Variants in USP12 observed in about 807,000 individuals in gnomAD.
USP12 encodes the protein ubiquitin specific peptidase 12, also known as ubiquitin carboxyl-terminal hydrolase 12.
A neutral mutation model predicts 45.5 loss-of-function variants in USP12; 19 were observed. The observed-to-expected ratio is 0.42, with a 90% CI of 0.29 to 0.61. USP12 has a LOEUF of 0.61. USP12 is among the 20% of genes least tolerant of loss of function. The pLI is 0.22. For missense variants in USP12, 242 were observed against 447.7 expected, an observed-to-expected ratio of 0.54 and a Z score of 4.15; for synonymous variants, 149 against 148.8, an observed-to-expected ratio of 1.00 and a Z score of -0.01.
intron 2 of USP12, among the ~76,000 whole-genome samples, chr13:27,112,124 C>T (rs1471366757): frequency 3.9e-5 from 6 of 152,130 alleles, no homozygotes; most frequent in African/African-American, 1.2e-4. Flanking sequence ...AGTCTGGTTC[C>T]ACTATCTGAC....
intron 1 of USP12, among the ~76,000 whole-genome samples, chr13:27,151,183 T>C (rs2137831412): frequency 6.6e-6 from 1 of 151,638 alleles, no homozygotes; most frequent in Middle Eastern, 3.5e-3. Context: ...ACAAAAAAAT[T>C]AGCTGGGCAT....
intron 8 of USP12, 81 bp downstream of exon 8, chr13:27,070,990 T>C: frequency 8.4e-7 from 1 of 1,185,918 alleles, no homozygotes; most frequent in Non-Finnish European, 1.2e-6. Flanking sequence ...CAGTCATATA[T>C]AAATGAAAAA....
rs1873021727 is a variant in USP12 at position 27,066,895 on chromosome 13, C to T, written c.*2388G>A. ...ACCTGTATTTTTCCCCCAACCCTGA[C>T]CCTATACGTTTTAAAAGTACATTTA... is the stretch of plus-strand genomic sequence containing the variant. On this transcript the variant is annotated 3_prime_UTR_variant, in exon 9 of 9. Coordinates refer to ENST00000282344, the MANE Select transcript of USP12 (RefSeq NM_182488.4). 6.6e-6 allele frequency: 1 copy of T among 152,150 alleles called. No homozygotes were observed. The highest frequency in any genetic ancestry group is 2.4e-5 in the African/African-American group (1 of 41,440). 9.4% of individuals were successfully genotyped at this position (152,150 alleles called of 1,614,324 possible). A position where few individuals can be genotyped will look rare whatever the true frequency, so the allele number is the denominator to read the frequency against.
intron 3 of USP12, among the ~76,000 whole-genome samples, chr13:27,105,317 G>A (rs1875080230): frequency 6.6e-6 from 1 of 151,958 alleles, no homozygotes; most frequent in Non-Finnish European, 1.5e-5. Flanking sequence ...CTAAAATGGG[G>A]GAAATGACAT....
At chr13:27,143,816 G>A (rs374300700) in intron 1 of USP12, among the ~76,000 whole-genome samples, 4 of 152,166 alleles carry the variant, frequency 2.6e-5, no homozygotes, top group African/African-American at 4.8e-5. Flanking sequence ...AAAATATAAC[G>A]GATAGAAGAG....
At chr13:27,163,779 A>G (rs1593218287) in intron 1 of USP12, among the ~76,000 whole-genome samples, 1 of 138,250 alleles carries the variant, frequency 7.2e-6, no homozygotes, top group African/African-American at 2.5e-5. Context: ...AAAAAAAAAA[A>G]AAAAAAGAAA....
At chr13:27,075,537 ATT>A (rs1273666828) in intron 6 of USP12, 149 bp from the exon 7 acceptor site, 13 of 693,572 alleles carry the variant, frequency 1.9e-5, no homozygotes, top group Middle Eastern at 3.7e-4. Context: ...TCTATCAATT[ATT>A]TTTATACTGA....
chr13:27,133,159 A>G (rs1321918134), intron 1 of USP12, among the ~76,000 whole-genome samples: 1 of 152,174 alleles, frequency 6.6e-6, no homozygotes, highest in Non-Finnish European at 1.5e-5. Flanking sequence ...CCTCAAAAAT[A>G]TCTGATCTAT....
Position 27,095,730 on chromosome 13 carries a change from T to G in USP12, c.444A>C (p.Lys148Asn), listed in dbSNP as rs1874548968. The G allele has an allele frequency of 6.2e-7, 1 of 1,613,118 alleles. No homozygotes were observed. Among genetic ancestry groups the G allele is most frequent in the Non-Finnish European group, 8.5e-7 (1 of 1,179,584 alleles). Reference protein sequence around the residue: ...DILQEERKQEKQNGRLPNGNI... With the variant: ...DILQEERKQENQNGRLPNGNI... ...TACCATTAGGTAAACGACCATTTTG[T>G]TTTTCCTGCTTTCTCTCTTCTTGTA... is the stretch of plus-strand genomic sequence containing the variant. Residue 148 changes from lysine to asparagine, a missense_variant, in exon 4 of 9, where the codon AAA (lysine) becomes AAC (asparagine). Around this residue, in one of 5 missense-constraint regions of USP12, gnomAD observed 40 missense variants for 38.6 expected, o/e 1.04. Coordinates refer to ENST00000282344, the MANE Select transcript of USP12 (RefSeq NM_182488.4).
At chr13:27,096,327 C>A (rs1874581191) in intron 3 of USP12, among the ~76,000 whole-genome samples, 1 of 152,178 alleles carries the variant, frequency 6.6e-6, no homozygotes, top group South Asian at 2.1e-4. Context: ...CAAAGCTCCT[C>A]CAACTAACTC....
intron 1 of USP12, among the ~76,000 whole-genome samples, chr13:27,155,066 CTTTTTTTTTTTTTTTTTTT>C (rs71083634): frequency 1.7e-5 from 1 of 57,614 alleles, no homozygotes; most frequent in Non-Finnish European, 2.8e-5. Context: ...ATGTCCACAA[CTTTTTTTTTTTTTTTTTTT>C]TTTTTTTTTT....
intron 1 of USP12, among the ~76,000 whole-genome samples, chr13:27,161,542 TA>T (rs11365650): frequency 0.066 from 10,017 of 151,258 alleles, 414 homozygotes; most frequent in African/African-American, 0.11. Context: ...TTTATACCTT[TA>T]AAAAAAAATG....
At chr13:27,119,189 C>T (rs997642159) in intron 1 of USP12, among the ~76,000 whole-genome samples, 1 of 152,102 alleles carries the variant, frequency 6.6e-6, no homozygotes, top group Non-Finnish European at 1.5e-5. Flanking sequence ...TTTTCTGCTC[C>T]GTGCAAAAGC....
intron 1 of USP12, among the ~76,000 whole-genome samples, chr13:27,146,924 A>G (rs928556805): frequency 1.3e-5 from 2 of 152,200 alleles, no homozygotes; most frequent in African/African-American, 4.8e-5. Context: ...AAATTTGGAC[A>G]CAGACACAGG....
intron 2 of USP12, among the ~76,000 whole-genome samples, chr13:27,110,840 T>C (rs1201992564): frequency 6.6e-6 from 1 of 152,144 alleles, no homozygotes; most frequent in Non-Finnish European, 1.5e-5. Context: ...GAAGAGAAGA[T>C]ACAATCTCCA....
At chr13:27,150,843 T>C (rs1877533281) in intron 1 of USP12, among the ~76,000 whole-genome samples, 1 of 152,094 alleles carries the variant, frequency 6.6e-6, no homozygotes, top group African/African-American at 2.4e-5. Flanking sequence ...CTGGGACAAA[T>C]GGATAGTCAC....
At chr13:27,100,063 A>C (rs1352936467) in intron 3 of USP12, among the ~76,000 whole-genome samples, 3 of 152,196 alleles carry the variant, frequency 2.0e-5, no homozygotes, top group African/African-American at 7.2e-5. Context: ...ACAGCCTGCA[A>C]CTCAAAAATC....
At chr13:27,155,238 T>A (rs372243839) in intron 1 of USP12, among the ~76,000 whole-genome samples, 1 of 151,674 alleles carries the variant, frequency 6.6e-6, no homozygotes, top group African/African-American at 2.4e-5. Context: ...CGTGCCACCA[T>A]GCCCGGCTAA....
intron 7 of USP12, 97 bp from the exon 8 acceptor site, chr13:27,071,246 T>C (rs1873234768): frequency 9.5e-7 from 1 of 1,054,240 alleles, no homozygotes; most frequent in South Asian, 1.7e-5. Flanking sequence ...AACAGATAAA[T>C]AGCAGTAAAA....
Sources: gnomAD v4.1 joint callset for allele counts (sites outside exome capture counted in the v4.1 genomes callset) on GRCh38, gnomAD v4.1.1 for gene constraint, gnomAD v4.1.1 regional missense constraint, MANE v1.5 for transcripts, NCBI Gene and HGNC (gene_info 2026-07-23, HGNC 2026-07-21) for gene names.